The following LSR variants were observed in gnomAD, a reference collection of about 807,000 sequenced individuals.
LSR encodes lipolysis-stimulated lipoprotein receptor.
In LSR, 44 loss-of-function variants were observed where a neutral mutation model predicts 61.8. The ratio of observed to expected loss-of-function variants is 0.71; its 90% CI spans 0.56 to 0.91. The LOEUF (loss-of-function observed/expected upper bound fraction) is 0.91, where lower values mean the gene tolerates loss of function less well. LSR is among the 40% of genes least tolerant of loss of function. The pLI is 0.00. For missense variants in LSR, 911 were observed against 830.5 expected (o/e 1.10, Z -1.19); for synonymous variants, 397 against 350.6 (o/e 1.13, Z -1.48).
At chr19:35,250,744 C>T in intron 2 of LSR, 85 bp downstream of exon 2, 1 of 1,052,352 alleles carries the variant, frequency 9.5e-7, no homozygotes, top group Non-Finnish European at 1.3e-6. Context: ...GAGTCCCCAT[C>T]TGAAAGCTCT....
At chr19:35,254,700 G>A (rs575392822) in intron 2 of LSR, among the ~76,000 whole-genome samples, 1 of 152,242 alleles carries the variant, frequency 6.6e-6, no homozygotes, top group East Asian at 1.9e-4. Flanking sequence ...TGTTCCCACT[G>A]GAGACCTGGC....
intron 3 of LSR, among the ~76,000 whole-genome samples, chr19:35,261,548 G>A (rs968862174): frequency 3.3e-5 from 5 of 152,190 alleles, no homozygotes; most frequent in South Asian, 2.1e-4. Context: ...ATCCTATTTC[G>A]TGGGCCCTAG....
chr19:35,260,123 G>A (rs2065907989), intron 3 of LSR, among the ~76,000 whole-genome samples: 1 of 152,184 alleles, frequency 6.6e-6, no homozygotes, highest in South Asian at 2.1e-4. Flanking sequence ...ACCTCTGCCT[G>A]TTCTTCGGTA....
Position 35,267,685 on chromosome 19 carries a change from C to G in LSR, c.1721C>G (p.Pro574Arg). The change falls in exon 9 of 10, where the codon CCG (proline) becomes CGG (arginine). Residue 574 changes from proline (P) to arginine (R), a missense_variant. Coordinates refer to ENST00000605618, the MANE Select transcript of LSR (RefSeq NM_205834.4). ...GCCTACTACCCGCCCGCGCCGCCCCCGTACTCGGAGACCGACTCGCAGGCG... is the reference window on the plus strand; with the variant it reads ...GCCTACTACCCGCCCGCGCCGCCCCGGTACTCGGAGACCGACTCGCAGGCG... ...EEAYYPPAPPPYSETDSQASR... is the reference protein window; with the variant it reads ...EEAYYPPAPPRYSETDSQASR... 1 of 1,604,590 alleles carries G rather than the reference C, an allele frequency of 6.2e-7. No individual in the cohort carries two copies. Among genetic ancestry groups the G allele is most frequent in the South Asian group, 1.1e-5 (1 of 90,568 alleles).
chr19:35,262,084 C>A, intron 4 of LSR, 103 bp downstream of exon 4: 1 of 1,087,612 alleles, frequency 9.2e-7, no homozygotes, highest in Non-Finnish European at 1.3e-6. Context: ...ACCCTGCTCA[C>A]TGTGGACCCC....
Position 35,267,717 on chromosome 19 carries a change from G to A in LSR, c.1753G>A (p.Glu585Lys), listed in dbSNP as rs139004765. 2.9e-3 allele frequency: 4,619 copies of A among 1,603,962 alleles called. 18 individuals carry two copies. Among genetic ancestry groups the A allele is most frequent in the Middle Eastern group, 4.3e-3 (26 of 5,986 alleles). ...GGAGACCGACTCGCAGGCGTCCCGA[G>A]AGCGCAGGCTCAAGAAGGTGAGGGC... ...YSETDSQASR[E>K]RRLKKNLALS... Residue 585 changes from glutamate to lysine, a missense_variant, in exon 9 of 10, where the codon GAG becomes AAG. Physicochemically the swap from Glu to Lys is moderately conservative, Grantham distance 56. Transcript: ENST00000605618.
At chr19:35,265,244 C>T (rs1320481946) in intron 5 of LSR, among the ~76,000 whole-genome samples, 1 of 152,108 alleles carries the variant, frequency 6.6e-6, no homozygotes, top group East Asian at 1.9e-4. Context: ...GCAGTGAACC[C>T]ACTAAGACCA....
intron 2 of LSR, among the ~76,000 whole-genome samples, chr19:35,254,741 A>G (rs2145502319): frequency 6.6e-6 from 1 of 152,230 alleles, no homozygotes; most frequent in East Asian, 1.9e-4. Context: ...CAATGAAAGC[A>G]GTGCTCAGCC....
At chr19:35,266,231 G>C (rs2065995844) in intron 5 of LSR, 128 bp from the exon 6 acceptor site, 1 of 681,136 alleles carries the variant, frequency 1.5e-6, no homozygotes, top group Admixed American at 2.6e-5. Context: ...AGATGTCCAA[G>C]GAAGCTCTAC....
intron 5 of LSR, 93 bp from the exon 6 acceptor site, chr19:35,266,266 A>T: frequency 1.0e-6 from 1 of 995,376 alleles, no homozygotes; most frequent in Non-Finnish European, 1.5e-6. Flanking sequence ...CTTGGGAAGG[A>T]GGTCCAGGCC....
intron 2 of LSR, chr19:35,251,470 A>G (rs1465214319): frequency 2.6e-5 from 4 of 152,248 alleles, no homozygotes; most frequent in Non-Finnish European, 4.4e-5. Context: ...GTAATTGAAT[A>G]GATTCTATCA....
rs567415659 is a variant in LSR, at chr19:35,265,700, G to A, written c.779-659G>A. 2.6e-5 allele frequency among the ~76,000 whole-genome samples: 4 copies of A among 152,276 alleles called. No individual in the cohort carries two copies. In the East Asian group the frequency reaches 7.7e-4, roughly 29 times the overall value. On this transcript the variant is annotated intron_variant, in intron 5 of 9. Transcript: ENST00000605618. ...AGCCTAGAGCCTGGTGGGGCAGGCAGAAATGGGTGCAGTCCATGAGTTAGA... is the reference window on the plus strand; with the variant it reads ...AGCCTAGAGCCTGGTGGGGCAGGCAAAAATGGGTGCAGTCCATGAGTTAGA...
intron 4 of LSR, among the ~76,000 whole-genome samples, chr19:35,262,208 C>A (rs76968119): frequency 6.6e-6 from 1 of 152,186 alleles, no homozygotes; most frequent in African/African-American, 2.4e-5. Flanking sequence ...TGACTGGCAC[C>A]TGCGGTGCTC....
In LSR at chr19:35,267,506, C is replaced by T. The variant is rs1231900453; in HGVS notation, c.1542C>T (p.Ala514=). The T allele has an allele frequency of 6.2e-7, 1 of 1,611,474 alleles. No homozygotes were observed. Among genetic ancestry groups the T allele is most frequent in the Non-Finnish European group, 8.5e-7 (1 of 1,179,708 alleles). Reference sequence around the variant, plus strand: ...TCAGGTCTCGGGAGCGCCCTCCTGCCGACCCCAGGTCCCACCACCACCGTA... The same window carrying T: ...TCAGGTCTCGGGAGCGCCCTCCTGCTGACCCCAGGTCCCACCACCACCGTA... ...DDFRSRERPP[A]DPRSHHHRTR... is the part of the protein sequence containing the mutation. Residue 514 remains alanine, a synonymous_variant, in exon 9 of 10, where the codon GCC becomes GCT. Coordinates refer to ENST00000605618, the MANE Select transcript of LSR (RefSeq NM_205834.4).
Position 35,266,426 on chromosome 19 carries a change from C to T in LSR, c.846C>T (p.His282=). Residue 282 remains histidine, a synonymous_variant, in exon 6 of 10, where the codon CAC becomes CAT. Coordinates refer to ENST00000605618, the MANE Select transcript of LSR (RefSeq NM_205834.4). ...TTTATGCCCCCAGCACCTATGCCCA[C>T]CTGTCTCCCGCCAAGACCCCACCCC... The part of the protein sequence containing the change: ...PSIYAPSTYA[H]LSPAKTPPPP... The T allele has an allele frequency of 1.2e-6, 2 of 1,612,258 alleles. No homozygotes were observed. Among genetic ancestry groups the T allele is most frequent in the South Asian group, 2.2e-5 (2 of 90,814 alleles).
chr19:35,250,920 C>T (rs907888214), intron 2 of LSR, among the ~76,000 whole-genome samples: 7 of 151,992 alleles, frequency 4.6e-5, no homozygotes, highest in Non-Finnish European at 5.9e-5. Flanking sequence ...CTCAGCCTCC[C>T]GAGTAGCTGG....
chr19:35,267,776 C>G (rs781606461), intron 9 of LSR, 42 bp downstream of exon 9: 1 of 1,613,750 alleles, frequency 6.2e-7, no homozygotes, highest in South Asian at 1.1e-5. Context: ...TCCCTGGGCC[C>G]CCAGCCGGTC....
At chr19:35,261,830 C>G (rs1456325547) in intron 3 of LSR, 95 bp from the exon 4 acceptor site, 3 of 796,054 alleles carry the variant, frequency 3.8e-6, no homozygotes, top group Non-Finnish European at 5.7e-6. Context: ...TCAGGGCACA[C>G]CTTGCACTTG....
rs772734633 is a variant in LSR at position 35,266,834 on chromosome 19, A to G, written c.1013-2A>G. ...AACCGACCACCACCCCCCTGTCCCT[A>G]GAAGTCCGCAGTGGCTACAGGATTC... On this transcript the variant is annotated splice_acceptor_variant, in intron 7 of 9. Transcript: ENST00000605618. LOFTEE classifies it high-confidence loss of function. The G allele has an allele frequency of 7.5e-6, 12 of 1,607,284 alleles. No individual in the cohort carries two copies. The highest frequency in any genetic ancestry group is 5.4e-5 in the African/African-American group (4 of 74,758).
Sources: gnomAD v4.1 joint callset for allele counts (sites outside exome capture counted in the v4.1 genomes callset) on GRCh38, gnomAD v4.1.1 for gene constraint, MANE v1.5 for transcripts, NCBI Gene and HGNC (gene_info 2026-07-23, HGNC 2026-07-21) for gene names.